TMEM87B: variants seen among roughly 807,000 people sequenced by gnomAD.
The protein encoded by TMEM87B is transmembrane protein 87B.
In TMEM87B, 83 loss-of-function variants were observed where a neutral mutation model predicts 80.3. The observed-to-expected ratio is 1.03, with a 90% CI of 0.87 to 1.24. The LOEUF (loss-of-function observed/expected upper bound fraction) is 1.24. Among genes scored for constraint, TMEM87B ranks in the 50% most tolerant of loss-of-function variants. TMEM87B has a pLI of 0.00. For synonymous variants in TMEM87B, 219 were observed against 230.5 expected (o/e 0.95, Z 0.45); for missense variants, 625 against 674.4 (o/e 0.93, Z 0.81).
In TMEM87B at chr2:112,055,444, C is replaced by T; in HGVS notation, c.-148C>T. 2 of 953,456 alleles carry T rather than the reference C, an allele frequency of 2.1e-6. No homozygotes were observed. Among genetic ancestry groups the T allele is most frequent in the Non-Finnish European group, 1.5e-6 (1 of 688,964 alleles). 59.1% of individuals were successfully genotyped at this position (953,456 alleles called of 1,614,324 possible). On this transcript the variant is annotated 5_prime_UTR_variant, in exon 1 of 19. Transcript: ENST00000283206. ...GGTTTCCCAGAACTGCACGGCGCCT[C>T]TCCGCCCAGGCCCAAGCGCGAGCCC...
chr2:112,099,553 T>C (rs1279305905), intron 14 of TMEM87B, among the ~76,000 whole-genome samples: 8 of 74,108 alleles, frequency 1.1e-4, no homozygotes, highest in South Asian at 3.4e-4. Context: ...TATATATATA[T>C]ATACACACAC....
intron 2 of TMEM87B, among the ~76,000 whole-genome samples, chr2:112,063,840 C>T (rs565662437): frequency 1.3e-5 from 2 of 152,318 alleles, no homozygotes; most frequent in Non-Finnish European, 2.9e-5. Flanking sequence ...ATGGGGCTCA[C>T]TCAGTATATT....
intron 13 of TMEM87B, among the ~76,000 whole-genome samples, chr2:112,097,831 A>G (rs1201321798): frequency 6.6e-6 from 1 of 152,078 alleles, no homozygotes; most frequent in Non-Finnish European, 1.5e-5. Flanking sequence ...ATATTTTGAA[A>G]ATAAATTCTC....
At chr2:112,058,926 C>T (rs776240776) in intron 1 of TMEM87B, among the ~76,000 whole-genome samples, 16 of 152,282 alleles carry the variant, frequency 1.1e-4, no homozygotes, top group Non-Finnish European at 1.9e-4. Flanking sequence ...ATGGTACCAC[C>T]TCCAGCCAAG....
At chr2:112,064,785 G>A (rs753516756) in intron 3 of TMEM87B, among the ~76,000 whole-genome samples, 36 of 152,174 alleles carry the variant, frequency 2.4e-4, no homozygotes, top group Non-Finnish European at 4.3e-4. Flanking sequence ...TCAGCAAGGT[G>A]TTTCTCTTGA....
At chr2:112,059,087 ATTG>A (rs1278299244) in intron 1 of TMEM87B, among the ~76,000 whole-genome samples, 13 of 151,998 alleles carry the variant, frequency 8.6e-5, no homozygotes, top group South Asian at 4.2e-4. Flanking sequence ...TGGGAATTTT[ATTG>A]TTGTTGTTGA....
At chr2:112,076,049 T>C (rs1678801461) in intron 5 of TMEM87B, among the ~76,000 whole-genome samples, 2 of 152,192 alleles carry the variant, frequency 1.3e-5, no homozygotes, top group South Asian at 4.1e-4. Flanking sequence ...CTGAGTCATT[T>C]CTGACAATGT....
Position 112,094,808 on chromosome 2 carries a change from G to T in TMEM87B, c.1105-2236G>T, listed in dbSNP as rs150854682. Among the ~76,000 whole-genome samples the T allele has an allele frequency of 6.6e-5, 10 of 152,214 alleles. No individual in the cohort carries two copies. In the East Asian group the frequency reaches 1.9e-3, roughly 29 times the overall value. Reference sequence around the variant, plus strand: ...GGAAGTCTAGTGTCTATTTCTGCATGAGCCTGAATTTGTGAAGTTTGCTGT... The same window carrying T: ...GGAAGTCTAGTGTCTATTTCTGCATTAGCCTGAATTTGTGAAGTTTGCTGT... On this transcript the variant is annotated intron_variant, in intron 11 of 18. Transcript: ENST00000283206.
rs1003028917 is a variant in TMEM87B, at chr2:112,119,175, A to G, written c.*3032A>G. 3.3e-5 allele frequency: 5 copies of G among 152,158 alleles called. No homozygotes were observed. Among genetic ancestry groups the G allele is most frequent in the Non-Finnish European group, 5.9e-5 (4 of 67,994 alleles). The allele number at this position is 152,158 out of a possible 1,614,324, so 9.4% of individuals were successfully genotyped here. A position where few individuals can be genotyped will look rare whatever the true frequency, so the allele number is the denominator to read the frequency against. ...TTAAGAACTTGTATTTTTCTATTTT[A>G]AAAAGTTAAATTATTCCGTAATTTG... On this transcript the variant is annotated 3_prime_UTR_variant, in exon 19 of 19. Coordinates refer to ENST00000283206, the MANE Select transcript of TMEM87B (RefSeq NM_032824.3).
chr2:112,055,607 C>G lies in TMEM87B; in HGVS notation c.16C>G (p.Arg6Gly). 6.5e-7 allele frequency: 1 copy of G among 1,531,012 alleles called. No homozygotes were observed. Among genetic ancestry groups the G allele is most frequent in the Non-Finnish European group, 8.8e-7 (1 of 1,140,984 alleles). The allele number at this position is 1,531,012 out of a possible 1,614,324, so 94.8% of individuals were successfully genotyped here. A position where few individuals can be genotyped will look rare whatever the true frequency, so the allele number is the denominator to read the frequency against. The stretch of plus-strand genomic sequence containing the variant: ...CCTGGTCAAGATGGTCGCCGCCTGC[C>G]GCTCGGTAGCCGGGCTCCTGCCACG... MVAAC[R>G]SVAGLLPRRR... The change falls in exon 1 of 19, where the codon CGC (arginine) becomes GGC (glycine). Residue 6 changes from arginine to glycine, a missense_variant. Transcript: ENST00000283206.
intron 15 of TMEM87B, among the ~76,000 whole-genome samples, chr2:112,104,062 CTT>C (rs1156528156): frequency 2.0e-5 from 3 of 152,144 alleles, no homozygotes; most frequent in East Asian, 1.9e-4. Context: ...AATCATTAGA[CTT>C]TTGTTGCACA....
chr2:112,092,950 T>C (rs1313559306), intron 11 of TMEM87B, among the ~76,000 whole-genome samples: 1 of 152,256 alleles, frequency 6.6e-6, no homozygotes, highest in Admixed American at 6.5e-5. Context: ...GCTTTCCTGT[T>C]AGATAGGTTT....
Position 112,089,847 on chromosome 2 carries a change from G to A in TMEM87B, c.1032+129G>A, listed in dbSNP as rs945608929. On this transcript the variant is annotated intron_variant, in intron 10 of 18. Coordinates refer to ENST00000283206, the MANE Select transcript of TMEM87B (RefSeq NM_032824.3). ...GGCCCAATTTGAACTTTTCTTCTATGGGATGTTTCCCTTTTAAAATACTTC... is the reference window on the plus strand; with the variant it reads ...GGCCCAATTTGAACTTTTCTTCTATAGGATGTTTCCCTTTTAAAATACTTC... 9.9e-6 allele frequency: 8 copies of A among 806,702 alleles called. No homozygotes were observed. In the Admixed American group the frequency reaches 1.2e-4, roughly 12 times the overall value. The allele number at this position is 806,702 out of a possible 1,614,324, so 50.0% of individuals were successfully genotyped here.
chr2:112,105,911 G>T, intron 15 of TMEM87B, 91 bp from the exon 16 acceptor site: 1 of 887,702 alleles, frequency 1.1e-6, no homozygotes, highest in Non-Finnish European at 1.6e-6. Context: ...TTTCTAAAAA[G>T]ATATAGTATT....
chr2:112,107,534 C>T (rs1365265855), intron 16 of TMEM87B, among the ~76,000 whole-genome samples: 2 of 151,850 alleles, frequency 1.3e-5, no homozygotes, highest in Non-Finnish European at 2.9e-5. Flanking sequence ...TGTGATTTCT[C>T]AGGACAAAAA....
intron 6 of TMEM87B, among the ~76,000 whole-genome samples, chr2:112,080,285 A>G (rs1418951446): frequency 2.4e-5 from 3 of 126,398 alleles, no homozygotes; most frequent in South Asian, 2.5e-4. Flanking sequence ...TTTGAGACGG[A>G]GTCTTGCTCT....
chr2:112,056,193 G>T (rs1347563754), intron 1 of TMEM87B, among the ~76,000 whole-genome samples: 1 of 151,706 alleles, frequency 6.6e-6, no homozygotes, highest in African/African-American at 2.4e-5. Flanking sequence ...TTCAGTTTCT[G>T]CATAAACTTA....
chr2:112,055,590 A>G lies in TMEM87B; in HGVS notation c.-2A>G, dbSNP rs1678018195. Reference sequence around the variant, plus strand: ...AGCGCCAGGTGCAGCTTCCTGGTCAAGATGGTCGCCGCCTGCCGCTCGGTA... The same window carrying G: ...AGCGCCAGGTGCAGCTTCCTGGTCAGGATGGTCGCCGCCTGCCGCTCGGTA... On this transcript the variant is annotated 5_prime_UTR_variant, in exon 1 of 19. Coordinates refer to ENST00000283206, the MANE Select transcript of TMEM87B (RefSeq NM_032824.3). 1 of 1,516,246 alleles carries G rather than the reference A, an allele frequency of 6.6e-7. No individual in the cohort carries two copies. The highest frequency in any genetic ancestry group is 1.4e-5 in the African/African-American group (1 of 69,238). 93.9% of individuals were successfully genotyped at this position (1,516,246 alleles called of 1,614,324 possible).
At chr2:112,109,986 G>A (rs889337119) in intron 17 of TMEM87B, among the ~76,000 whole-genome samples, 1 of 151,898 alleles carries the variant, frequency 6.6e-6, no homozygotes, top group Non-Finnish European at 1.5e-5. Flanking sequence ...GGCTGGCCTC[G>A]AACTCCTGAC....
Sources: allele counts gnomAD v4.1 joint callset (sites outside exome capture counted in the v4.1 genomes callset), GRCh38; gene constraint gnomAD v4.1.1; transcripts MANE v1.5; gene names NCBI Gene and HGNC (gene_info 2026-07-23, HGNC 2026-07-21).